The following OR52E5 variants were observed in gnomAD, a reference collection of about 807,000 sequenced individuals.
OR52E5 encodes the protein olfactory receptor family 52 subfamily E member 5, also known as olfactory receptor 52E5.
chr11:5,893,819 A>G (rs1847137234), intron 1 of OR52E5, among the ~76,000 whole-genome samples: 1 of 152,124 alleles, frequency 6.6e-6, no homozygotes, highest in Non-Finnish European at 1.5e-5. Context: ...AAAAAATAAA[A>G]AAGGCTTACT....
rs117992866 is a variant in OR52E5, at chr11:5,900,009, T to C, written c.-145-623T>C. Reference sequence around the variant, plus strand: ...CACTGCCACTATCTAGGTGGCATTATGAAGCGATTGCCCATTTATATAATG... The same window carrying C: ...CACTGCCACTATCTAGGTGGCATTACGAAGCGATTGCCCATTTATATAATG... On this transcript the variant is annotated intron_variant, in intron 2 of 2. Coordinates refer to ENST00000610445, the MANE Select transcript of OR52E5 (RefSeq NM_001005166.5). Among the ~76,000 whole-genome samples, 448 of 152,280 alleles carry C rather than the reference T, an allele frequency of 2.9e-3. 11 individuals carry two copies. Among genetic ancestry groups the C allele is most frequent in the Admixed American group, 0.027 (417 of 15,282 alleles).
chr11:5,897,973 T>TC (rs1238086215), intron 2 of OR52E5, among the ~76,000 whole-genome samples: 1 of 151,804 alleles, frequency 6.6e-6, no homozygotes, highest in Non-Finnish European at 1.5e-5. Flanking sequence ...AGTGATCTTC[T>TC]CACCTCACCC....
intron 1 of OR52E5, among the ~76,000 whole-genome samples, chr11:5,893,522 G>A (rs573095295): frequency 2.0e-5 from 3 of 152,150 alleles, no homozygotes; most frequent in South Asian, 4.1e-4. Context: ...AGAGCATTCT[G>A]AGAGTTAAAG....
intron 2 of OR52E5, among the ~76,000 whole-genome samples, chr11:5,899,238 C>A (rs562782483): frequency 1.3e-5 from 2 of 152,190 alleles, no homozygotes; most frequent in African/African-American, 4.8e-5. Context: ...TTGAAGAATA[C>A]TGGTATATAG....
chr11:5,897,836 A>G (rs1458996023), intron 2 of OR52E5, among the ~76,000 whole-genome samples: 1 of 151,326 alleles, frequency 6.6e-6, no homozygotes, highest in African/African-American at 2.4e-5. Flanking sequence ...ATGGTTTCTC[A>G]CTGTGTTTTT....
chr11:5,894,366 C>T (rs1243747266), intron 1 of OR52E5, among the ~76,000 whole-genome samples: 1 of 151,914 alleles, frequency 6.6e-6, no homozygotes, highest in African/African-American at 2.4e-5. Context: ...GCTATTGGTC[C>T]AGGGAACTCA....
chr11:5,897,701 C>T (rs1368904595), intron 2 of OR52E5, among the ~76,000 whole-genome samples: 1 of 151,454 alleles, frequency 6.6e-6, no homozygotes, highest in African/African-American at 2.5e-5. Flanking sequence ...AATTTTCATA[C>T]TGTTTTCCAT....
intron 2 of OR52E5, among the ~76,000 whole-genome samples, chr11:5,900,092 G>C (rs1227248547): frequency 6.6e-6 from 1 of 152,162 alleles, no homozygotes; most frequent in Non-Finnish European, 1.5e-5. Flanking sequence ...AAGTATCTGA[G>C]AGCATCCAGT....
In OR52E5 at chr11:5,902,098, T is replaced by C. The variant is rs1847263667; in HGVS notation, c.*338T>C. On this transcript the variant is annotated 3_prime_UTR_variant, in exon 3 of 3. Transcript: ENST00000610445. ...GAAGTTCATGACGATTAAAATGATG[T>C]GGTATTTCATCAAAACCAGGCAGGA... 4 of 176,888 alleles carry C rather than the reference T, an allele frequency of 2.3e-5. No homozygotes were observed. The East Asian group carries it at 5.8e-4, about 25-fold the overall frequency. The allele number at this position is 176,888 out of a possible 1,614,324, so 11.0% of individuals were successfully genotyped here.
rs1847260954 is a variant in OR52E5 at position 5,901,896 on chromosome 11, A to G, written c.*136A>G. On this transcript the variant is annotated 3_prime_UTR_variant, in exon 3 of 3. Coordinates refer to ENST00000610445, the MANE Select transcript of OR52E5 (RefSeq NM_001005166.5). ...GTCTGTTGGAAGTTATAGCTCAAAG[A>G]TTCCAAAACAATCTCTCTGTTTCAC... The G allele has an allele frequency of 7.5e-6, 3 of 398,410 alleles. No individual in the cohort carries two copies. Among genetic ancestry groups the G allele is most frequent in the Non-Finnish European group, 1.3e-5 (3 of 225,020 alleles). 24.7% of individuals were successfully genotyped at this position (398,410 alleles called of 1,614,324 possible). A position where few individuals can be genotyped will look rare whatever the true frequency, so the allele number is the denominator to read the frequency against.
intron 2 of OR52E5, among the ~76,000 whole-genome samples, chr11:5,899,742 C>G (rs1847223117): frequency 1.3e-5 from 2 of 152,128 alleles, no homozygotes; most frequent in Admixed American, 1.3e-4. Flanking sequence ...ACCCAAGCAC[C>G]CTACAGGCCT....
At chr11:5,898,908 CT>C (rs1564997331) in intron 2 of OR52E5, among the ~76,000 whole-genome samples, 9 of 151,970 alleles carry the variant, frequency 5.9e-5, no homozygotes, top group Non-Finnish European at 1.0e-4. Flanking sequence ...CTTAGGATTG[CT>C]CTGTCTATTT....
Position 5,901,559 on chromosome 11 carries a change from C to G in OR52E5, c.783C>G (p.His261Gln). 1 of 401,872 alleles carries G rather than the reference C, an allele frequency of 2.5e-6. No homozygotes were observed. Among genetic ancestry groups the G allele is most frequent in the Non-Finnish European group, 4.4e-6 (1 of 226,400 alleles). 24.9% of individuals were successfully genotyped at this position (401,872 alleles called of 1,614,324 possible). Residue 261 changes from histidine to glutamine, a missense_variant, in exon 3 of 3, where the codon CAC becomes CAG. Physicochemically the swap from His to Gln is conservative, Grantham distance 24. Coordinates refer to ENST00000610445, the MANE Select transcript of OR52E5 (RefSeq NM_001005166.5). ...CAGCCCTCTTTTCCTTCATGACACACCGCTTTGGCCACAACATCCCTCATT... is the reference window on the plus strand; with the variant it reads ...CAGCCCTCTTTTCCTTCATGACACAGCGCTTTGGCCACAACATCCCTCATT... Reference protein sequence around the residue: ...YLPALFSFMTHRFGHNIPHYI... With the variant: ...YLPALFSFMTQRFGHNIPHYI...
At chr11:5,896,246 T>TTAAAAAAA (rs1847172453) in intron 2 of OR52E5, among the ~76,000 whole-genome samples, 2 of 53,556 alleles carry the variant, frequency 3.7e-5, no homozygotes, top group Non-Finnish European at 6.1e-5. Flanking sequence ...TCGTCTCTAC[T>TTAAAAAAA]AAAAAAAAAA....
At chr11:5,898,672 C>T (rs1001031647) in intron 2 of OR52E5, among the ~76,000 whole-genome samples, 1 of 152,112 alleles carries the variant, frequency 6.6e-6, no homozygotes, top group South Asian at 2.1e-4. Flanking sequence ...TAGACAATTT[C>T]CCTAGCACAT....
At chr11:5,900,530 T>A (rs999135402) in intron 2 of OR52E5, 102 bp from the exon 3 acceptor site, 1 of 336,564 alleles carries the variant, frequency 3.0e-6, no homozygotes, top group Non-Finnish European at 5.3e-6. Flanking sequence ...AAGTGCAGGA[T>A]TGCTATATTT....
intron 2 of OR52E5, among the ~76,000 whole-genome samples, chr11:5,899,244 T>C (rs937918339): frequency 6.6e-6 from 1 of 152,192 alleles, no homozygotes; most frequent in Admixed American, 6.5e-5. Flanking sequence ...AATACTGGTA[T>C]ATAGAAATGC....
chr11:5,894,756 G>C (rs1847150670), intron 1 of OR52E5, among the ~76,000 whole-genome samples: 1 of 152,004 alleles, frequency 6.6e-6, no homozygotes, highest in Non-Finnish European at 1.5e-5. Context: ...ATGGCTCAGG[G>C]GTCGGTGCCC....
intron 1 of OR52E5, among the ~76,000 whole-genome samples, chr11:5,894,156 T>C (rs1450198238): frequency 3.3e-5 from 5 of 152,314 alleles, no homozygotes; most frequent in East Asian, 3.9e-4. Flanking sequence ...GAGATAAATA[T>C]GACACTAGTT....
Sources: allele counts gnomAD v4.1 joint callset (sites outside exome capture counted in the v4.1 genomes callset), GRCh38; gene constraint gnomAD v4.1.1; transcripts MANE v1.5; gene names NCBI Gene and HGNC (gene_info 2026-07-23, HGNC 2026-07-21).